Variants in PC observed in about 807,000 individuals in gnomAD.
PC encodes the protein pyruvate carboxylase.
In PC, 46 loss-of-function variants were observed where a neutral mutation model predicts 107.8. That is an observed-to-expected ratio of 0.43 (90% CI 0.34 to 0.55). The LOEUF is 0.55. PC is among the 20% of genes least tolerant of loss of function. PC has a pLI of 0.04. For synonymous variants in PC, 662 were observed against 684.7 expected, an observed-to-expected ratio of 0.97 and a Z score of 0.52; for missense variants, 1,241 against 1,643.1, an observed-to-expected ratio of 0.76 and a Z score of 4.23.
chr11:66,945,409 C>G (rs1949257856), intron 3 of PC, among the ~76,000 whole-genome samples: 1 of 30,680 alleles, frequency 3.3e-5, no homozygotes, highest in African/African-American at 1.1e-4. Context: ...TAACTGAATT[C>G]AAATGGTTTG....
Position 66,853,297 on chromosome 11 carries a change from TG to T in PC, c.1454del (p.Pro485GlnfsTer25). ...GTGCAGGCCGCAGCTGGAACAGCTCTGGGTTCTCGTCGATGAACTGGGTGTC... is the reference window on the plus strand; with the variant it reads ...GTGCAGGCCGCAGCTGGAACAGCTCTGGTTCTCGTCGATGAACTGGGTGTC... ...TVDTQFIDEN[P>X]ELFQLRPAQN... is the part of the protein sequence containing the mutation. On this transcript the variant is annotated frameshift_variant, in exon 13 of 23. Transcript: ENST00000393960. LOFTEE classifies it high-confidence loss of function. The T allele has an allele frequency of 6.2e-7, 1 of 1,614,040 alleles. No individual in the cohort carries two copies.
Position 66,942,387 on chromosome 11 carries a change from G to A in PC, c.-1+10043C>T, listed in dbSNP as rs562417200. On this transcript the variant is annotated intron_variant, in intron 3 of 22. Coordinates refer to ENST00000393960, the MANE Select transcript of PC (RefSeq NM_001040716.2). ...TGCACTCCAGCCTGGGCGACAGAGC[G>A]AGACTCCATCTCAAAAAAAAAAAAA... is the stretch of plus-strand genomic sequence containing the variant. Among the ~76,000 whole-genome samples the A allele has an allele frequency of 4.2e-4, 60 of 141,872 alleles. 1 individual carries two copies. In the Middle Eastern group the frequency reaches 0.018, roughly 42 times the overall value. The allele number at this position is 141,872 out of a possible 152,430, so 93.1% of individuals were successfully genotyped here. A position where few individuals can be genotyped will look rare whatever the true frequency, so the allele number is the denominator to read the frequency against.
At position 66,850,252 on chromosome 11, in the gene PC, C is replaced by T. The variant is rs751875554; in HGVS notation, c.2686G>A (p.Glu896Lys). The T allele has an allele frequency of 8.1e-6, 13 of 1,614,102 alleles. No homozygotes were observed. Among genetic ancestry groups the T allele is most frequent in the Admixed American group, 3.3e-5 (2 of 60,026 alleles). Residue 896 changes from glutamate (E) to lysine (K), a missense_variant, in exon 19 of 23, where the codon GAG becomes AAG. Coordinates refer to ENST00000393960, the MANE Select transcript of PC (RefSeq NM_001040716.2). Reference sequence around the variant, plus strand: ...AGATCGCCCAGCATCTGGTTGGCCTCCACATAGGCCTTCTTGACCTCCTTG... The same window carrying T: ...AGATCGCCCAGCATCTGGTTGGCCTTCACATAGGCCTTCTTGACCTCCTTG... The part of the protein sequence containing the change: ...KFKEVKKAYV[E>K]ANQMLGDLIK...
At chr11:66,904,402 G>C (rs1186854370) in intron 3 of PC, among the ~76,000 whole-genome samples, 1 of 152,176 alleles carries the variant, frequency 6.6e-6, no homozygotes, top group African/African-American at 2.4e-5. Flanking sequence ...ACTTTGGGAG[G>C]CCAAAGCAAG....
At chr11:66,903,098 A>G (rs2136048720) in intron 3 of PC, among the ~76,000 whole-genome samples, 1 of 152,292 alleles carries the variant, frequency 6.6e-6, no homozygotes, top group Non-Finnish European at 1.5e-5. Context: ...GTGAGAAATT[A>G]GCTTGCTGAA....
intron 3 of PC, among the ~76,000 whole-genome samples, chr11:66,915,231 G>A (rs1015567515): frequency 2.0e-5 from 3 of 152,120 alleles, no homozygotes; most frequent in African/African-American, 7.2e-5. Context: ...TCTGAAACCT[G>A]CCTAAGGTTC....
At position 66,958,332 on chromosome 11, in the gene PC, T is replaced by TCGCCAGTCCTCGCCGC. The variant is rs1269503351; in HGVS notation, c.-254_-239dup. ...GCGGCGGACACTCACCTCCTCGCCG[T>TCGCCAGTCCTCGCCGC]CGCCAGTCCTCGCCGCCGCCTCTAC... On this transcript the variant is annotated 5_prime_UTR_variant, in exon 1 of 23. Transcript: ENST00000393960. 2 of 152,356 alleles carry TCGCCAGTCCTCGCCGC rather than the reference T, an allele frequency of 1.3e-5. No homozygotes were observed. The highest frequency in any genetic ancestry group is 2.9e-5 in the Non-Finnish European group (2 of 68,186). The allele number at this position is 152,356 out of a possible 1,614,324, so 9.4% of individuals were successfully genotyped here. A position where few individuals can be genotyped will look rare whatever the true frequency, so the allele number is the denominator to read the frequency against.
chr11:66,891,091 C>CTTT (rs1947558116), intron 3 of PC, among the ~76,000 whole-genome samples: 1 of 152,076 alleles, frequency 6.6e-6, no homozygotes. Flanking sequence ...GAGTCTCGCT[C>CTTT]TGTCGCCCAA....
chr11:66,950,711 AG>A (rs151049411), intron 3 of PC, among the ~76,000 whole-genome samples: 8,735 of 152,246 alleles, frequency 0.057, 312 homozygotes, highest in Non-Finnish European at 0.088. Context: ...GATGGATCTA[AG>A]GGAAGACATC....
chr11:66,856,217 G>A (rs767528820), intron 12 of PC, among the ~76,000 whole-genome samples: 20 of 152,274 alleles, frequency 1.3e-4, no homozygotes, highest in Non-Finnish European at 2.4e-4. Flanking sequence ...GCCCGGCGGC[G>A]ACAGAGCGGG....
chr11:66,903,465 C>A (rs952223870), intron 3 of PC, among the ~76,000 whole-genome samples: 5 of 151,444 alleles, frequency 3.3e-5, no homozygotes, highest in Admixed American at 2.0e-4. Flanking sequence ...TTTGGCTGGG[C>A]GTGGTGGCTC....
At chr11:66,865,574 A>C (rs1476593881) in intron 11 of PC, among the ~76,000 whole-genome samples, 1 of 152,146 alleles carries the variant, frequency 6.6e-6, no homozygotes, top group African/African-American at 2.4e-5. Flanking sequence ...CTCCTGGAGA[A>C]GGCGCGAGTC....
chr11:66,946,618 C>T (rs988809793), intron 3 of PC, among the ~76,000 whole-genome samples: 1 of 151,962 alleles, frequency 6.6e-6, no homozygotes, highest in Non-Finnish European at 1.5e-5. Context: ...GAGACTCCAT[C>T]TCAAAAAAAA....
chr11:66,874,987 AGGAAGAACAG>A (rs1351651615), intron 3 of PC, among the ~76,000 whole-genome samples: 1 of 152,192 alleles, frequency 6.6e-6, no homozygotes, highest in Non-Finnish European at 1.5e-5. Context: ...TGAAGTTCTC[AGGAAGAACAG>A]GCTTGGTGCT....
rs1591119216 is a variant in PC, at chr11:66,851,112, C to T, written c.2151G>A (p.Lys717=). 1 of 1,613,286 alleles carries T rather than the reference C, an allele frequency of 6.2e-7. No homozygotes were observed. The highest frequency in any genetic ancestry group is 8.5e-7 in the Non-Finnish European group (1 of 1,180,008). ...AGCCCATGTAGTACTGCAGTGAGTA[C>T]TTGGTGCGGCTGGGGTCGGCCACGT... ...TGDVADPSRT[K]YSLQYYMGLA... The change falls in exon 17 of 23, where the codon AAG becomes AAA. Residue 717 remains lysine (K), a synonymous_variant. Transcript: ENST00000393960.
chr11:66,860,624 G>T, intron 12 of PC: 1 of 701,674 alleles, frequency 1.4e-6, no homozygotes, highest in Non-Finnish European at 2.6e-6. Context: ...TGTCCACAGG[G>T]GCGGCCCAGG....
intron 3 of PC, among the ~76,000 whole-genome samples, chr11:66,900,602 C>A (rs1310112536): frequency 2.6e-5 from 4 of 152,154 alleles, no homozygotes; most frequent in African/African-American, 7.2e-5. Context: ...GGAAGTATTG[C>A]CATCTTAACA....
intron 13 of PC, 193 bp from the exon 14 acceptor site, chr11:66,853,029 T>G: frequency 1.4e-6 from 1 of 692,284 alleles, no homozygotes; most frequent in Non-Finnish European, 2.4e-6. Context: ...ACCACGTGGA[T>G]GGAAAGGTGG....
In PC at chr11:66,872,015, G is replaced by A. The variant is rs749948216; in HGVS notation, c.136+9C>T. 24 of 1,558,418 alleles carry A rather than the reference G, an allele frequency of 1.5e-5. No individual in the cohort carries two copies. Among genetic ancestry groups the A allele is most frequent in the Non-Finnish European group, 2.0e-5 (23 of 1,151,060 alleles). On this transcript the variant is annotated intron_variant, in intron 4 of 22. Coordinates refer to ENST00000393960, the MANE Select transcript of PC (RefSeq NM_001040716.2). The stretch of plus-strand genomic sequence containing the variant: ...TGAGGCTCCTCTCACCGGCCCCACT[G>A]GTGCTCACCTCTGTTGGCCACCATG...
Sources: gnomAD v4.1 joint callset for allele counts (sites outside exome capture counted in the v4.1 genomes callset) on GRCh38, gnomAD v4.1.1 for gene constraint, MANE v1.5 for transcripts, NCBI Gene and HGNC (gene_info 2026-07-23, HGNC 2026-07-21) for gene names.